Variants in ANK1 observed in about 807,000 individuals in gnomAD.
ANK1 encodes the protein ankyrin-1.
Under a neutral mutation model 210.4 loss-of-function variants are expected in ANK1, and 51 were observed. That is an observed-to-expected ratio of 0.24 (90% confidence interval 0.19 to 0.31). The LOEUF is 0.31. Among genes scored for constraint, ANK1 ranks in the 10% least tolerant of loss-of-function variants. ANK1 has a pLI of 1.00. For synonymous variants in ANK1, 967 were observed against 1,025.9 expected, an observed-to-expected ratio of 0.94 and a Z score of 1.10; for missense variants, 2,051 against 2,504.4, an observed-to-expected ratio of 0.82 and a Z score of 3.86.
intron 37 of ANK1, among the ~76,000 whole-genome samples, chr8:41,676,473 T>C (rs1386162116): frequency 2.0e-5 from 3 of 152,212 alleles, no homozygotes; most frequent in East Asian, 3.8e-4. Context: ...CTTTGTATAT[T>C]CCAATACTAT....
At chr8:41,886,694 A>G (rs949650729) in intron 1 of ANK1, among the ~76,000 whole-genome samples, 6 of 152,230 alleles carry the variant, frequency 3.9e-5, no homozygotes, top group Non-Finnish European at 7.3e-5. Flanking sequence ...TCCAAGTATC[A>G]GTGTACAGCC....
At chr8:41,887,242 C>CTTTTTTTTTT (rs35112522) in intron 1 of ANK1, among the ~76,000 whole-genome samples, 4 of 80,712 alleles carry the variant, frequency 5.0e-5, no homozygotes, top group African/African-American at 1.1e-4. Flanking sequence ...CTTTCCTTTC[C>CTTTTTTTTTT]TTTTTTTTTT....
chr8:41,705,986 T>C (rs1401425633), intron 18 of ANK1, among the ~76,000 whole-genome samples, 157 bp downstream of exon 18: 3 of 152,186 alleles, frequency 2.0e-5, no homozygotes, highest in Non-Finnish European at 4.4e-5. Context: ...AGTCAGGTAA[T>C]TAGGAGTAGT....
chr8:41,724,636 A>C (rs1830208268), intron 6 of ANK1, 82 bp from the exon 7 acceptor site: 3 of 1,308,780 alleles, frequency 2.3e-6, no homozygotes, highest in Non-Finnish European at 3.2e-6. Context: ...CAGGAAACTC[A>C]GGTGGGGCAA....
At chr8:41,693,504 C>A (rs1172802675) in intron 29 of ANK1, among the ~76,000 whole-genome samples, 1 of 137,504 alleles carries the variant, frequency 7.3e-6, no homozygotes, top group East Asian at 2.1e-4. Flanking sequence ...GTGGAATGAT[C>A]TCGGCTCACT....
chr8:41,673,193 G>A (rs1315124371), intron 37 of ANK1, among the ~76,000 whole-genome samples: 2 of 152,074 alleles, frequency 1.3e-5, no homozygotes, highest in South Asian at 2.1e-4. Flanking sequence ...ATGGCGAAGA[G>A]GAGATTGGAC....
Position 41,686,244 on chromosome 8 carries a change from T to C in ANK1, c.4298A>G (p.Asn1433Ser). 1 of 1,614,092 alleles carries C rather than the reference T, an allele frequency of 6.2e-7. No individual in the cohort carries two copies. The highest frequency in any genetic ancestry group is 8.5e-7 in the Non-Finnish European group (1 of 1,180,032). ...GTTGGGATTTTCCACTCGGATCCTG[T>C]TGATGTCTTCCACACTGAACTGCAG... ...RELQFSVEDI[N>S]RIRVENPNSL... Residue 1433 changes from asparagine to serine, a missense_variant, in exon 36 of 43, where the codon AAC (asparagine) becomes AGC (serine). Asn to Ser is a conservative substitution (Grantham distance 46). Transcript: ENST00000289734.
intron 1 of ANK1, among the ~76,000 whole-genome samples, chr8:41,811,274 T>G (rs1051438923): frequency 3.3e-5 from 5 of 152,170 alleles, no homozygotes; most frequent in Non-Finnish European, 5.9e-5. Flanking sequence ...TGCTTCAAAG[T>G]TTAATTATAA....
At chr8:41,693,779 C>A in intron 29 of ANK1, 119 bp downstream of exon 29, 4 of 1,170,970 alleles carry the variant, frequency 3.4e-6, no homozygotes, top group Non-Finnish European at 4.9e-6. Context: ...ACCTCACTCC[C>A]GGGGAAGTCA....
chr8:41,723,039 G>C, intron 9 of ANK1, 86 bp downstream of exon 9: 1 of 1,251,638 alleles, frequency 8.0e-7, no homozygotes, highest in Non-Finnish European at 1.2e-6. Flanking sequence ...TAGCATCTCT[G>C]TTTTACAGAA....
Position 41,704,127 on chromosome 8 carries a change from G to T in ANK1, c.2209C>A (p.Pro737Thr). The T allele has an allele frequency of 6.2e-7, 1 of 1,613,998 alleles. No homozygotes were observed. Among genetic ancestry groups the T allele is most frequent in the Admixed American group, 1.7e-5 (1 of 60,028 alleles). The change falls in exon 20 of 43, where the codon CCC (proline) becomes ACC (threonine). Residue 737 changes from proline to threonine, a missense_variant. Physicochemically the swap from Pro to Thr is conservative, Grantham distance 38. Coordinates refer to ENST00000289734, the MANE Select transcript of ANK1 (RefSeq NM_000037.4). This position sits in a 1 kb window ranked among gnomAD's most constrained non-coding sequence, Gnocchi z 4.1. ...CCCTGCTGGGCTGCCTGGTGCAGGG[G>T]GCTGTATCCTAGCTGCAAAGTGAGC... Reference protein sequence around the residue: ...VNAKTKLGYSPLHQAAQQGHT... With the variant: ...VNAKTKLGYSTLHQAAQQGHT...
intron 1 of ANK1, among the ~76,000 whole-genome samples, chr8:41,872,854 C>A (rs967968840): frequency 6.6e-6 from 1 of 152,232 alleles, no homozygotes; most frequent in Non-Finnish European, 1.5e-5. Flanking sequence ...CAGCCGCCCT[C>A]GCGAGCCACC....
intron 42 of ANK1, chr8:41,661,181 G>A: frequency 1.9e-6 from 1 of 528,640 alleles, no homozygotes; most frequent in Non-Finnish European, 3.4e-6. Context: ...CGGCCCAAAA[G>A]GCATTCTTAC....
intron 1 of ANK1, among the ~76,000 whole-genome samples, chr8:41,773,528 C>T (rs1298894131): frequency 6.6e-6 from 1 of 152,184 alleles, no homozygotes; most frequent in Non-Finnish European, 1.5e-5. Flanking sequence ...TACAGGCCCA[C>T]TCTTTGGCAT....
intron 26 of ANK1, 104 bp from the exon 27 acceptor site, chr8:41,695,435 C>A: frequency 6.5e-7 from 1 of 1,530,352 alleles, no homozygotes; most frequent in South Asian, 1.1e-5. Flanking sequence ...TAAGGCACTT[C>A]CGCAGCCACG....
rs1823843249 is a variant in ANK1, at chr8:41,704,006, C to T, written c.2295+35G>A. The T allele has an allele frequency of 7.6e-6, 12 of 1,585,072 alleles. No homozygotes were observed. The East Asian group carries it at 2.7e-4, about 35-fold the overall frequency. Reference sequence around the variant, plus strand: ...CACACAGGGCTGCTGCCATGGGGAGCAGTTTTCTAAACTCAGGAGAGAGAG... The same window carrying T: ...CACACAGGGCTGCTGCCATGGGGAGTAGTTTTCTAAACTCAGGAGAGAGAG... On this transcript the variant is annotated intron_variant, in intron 20 of 42. Transcript: ENST00000289734. The surrounding 1 kb of genome is among the most constrained non-coding windows in gnomAD (Gnocchi z 4.1).
At chr8:41,660,570 G>C (rs1228871634) in intron 42 of ANK1, 1 of 456,594 alleles carries the variant, frequency 2.2e-6, no homozygotes, top group African/African-American at 2.0e-5. Context: ...ACACCTGCTG[G>C]AGATGGTCGC....
At chr8:41,730,439 T>C (rs1046263875) in intron 3 of ANK1, among the ~76,000 whole-genome samples, 2 of 148,888 alleles carry the variant, frequency 1.3e-5, no homozygotes, top group African/African-American at 5.0e-5. Flanking sequence ...CCAGTCTGTC[T>C]GTCTTTTCTT....
intron 21 of ANK1, 129 bp downstream of exon 21, chr8:41,701,923 G>A (rs111612148): frequency 1.2e-5 from 12 of 970,202 alleles, no homozygotes; most frequent in Non-Finnish European, 1.9e-5. Context: ...GCTCCCACCC[G>A]TCGGGCGCGG....
Sources: allele counts gnomAD v4.1 joint callset (sites outside exome capture counted in the v4.1 genomes callset), GRCh38; gene constraint gnomAD v4.1.1; non-coding constraint Gnocchi (gnomAD v3.1); transcripts MANE v1.5; gene names NCBI Gene and HGNC (gene_info 2026-07-23, HGNC 2026-07-21).